PTBP2: variants seen among roughly 807,000 people sequenced by gnomAD.
The protein encoded by PTBP2 is polypyrimidine tract-binding protein 2.
In PTBP2, 13 loss-of-function variants were observed where a neutral mutation model predicts 61.4. The observed-to-expected ratio is 0.21, with a 90% CI of 0.14 to 0.34. The LOEUF is 0.34. Ranked by LOEUF, PTBP2 falls within the 10% of genes least tolerant of loss-of-function variation. The pLI is 1.00. For missense variants in PTBP2, 405 were observed against 642.6 expected, an observed-to-expected ratio of 0.63 and a Z score of 4.00; for synonymous variants, 215 against 218.5, an observed-to-expected ratio of 0.98 and a Z score of 0.14.
At chr1:96,750,567 A>G (rs554123483) in intron 2 of PTBP2, among the ~76,000 whole-genome samples, 9 of 151,932 alleles carry the variant, frequency 5.9e-5, no homozygotes, top group African/African-American at 2.2e-4. Context: ...GATTTTTTGG[A>G]CTTTCTGAAA....
intron 9 of PTBP2, among the ~76,000 whole-genome samples, chr1:96,805,243 C>G (rs1428248230): frequency 6.6e-6 from 1 of 152,104 alleles, no homozygotes; most frequent in Non-Finnish European, 1.5e-5. Context: ...TTCTCAAAGG[C>G]AAATGTGATC....
chr1:96,780,849 G>A (rs1658574460), intron 7 of PTBP2, among the ~76,000 whole-genome samples: 1 of 152,046 alleles, frequency 6.6e-6, no homozygotes, highest in South Asian at 2.1e-4. Context: ...TGTCCGCTGT[G>A]TTAGGAAAGT....
At chr1:96,781,225 TC>T (rs1471954377) in intron 7 of PTBP2, among the ~76,000 whole-genome samples, 1 of 152,158 alleles carries the variant, frequency 6.6e-6, no homozygotes, top group Middle Eastern at 3.4e-3. Flanking sequence ...TATCTCCACT[TC>T]CTTGGCCTTC....
In PTBP2 at chr1:96,746,072, A is replaced by C. The variant is rs1016582749; in HGVS notation, c.40-5353A>C. On this transcript the variant is annotated intron_variant, in intron 2 of 13. Transcript: ENST00000674951. The stretch of plus-strand genomic sequence containing the variant: ...CAGACTGAGACTCCATCTCAAAAAC[A>C]AACAAAAAAAAACAACAACAAAAAA... Among the ~76,000 whole-genome samples, 185 of 67,110 alleles carry C rather than the reference A, an allele frequency of 2.8e-3. 1 individual carries two copies. Among genetic ancestry groups the C allele is most frequent in the Admixed American group, 7.2e-3 (43 of 5,956 alleles). 44.0% of individuals were successfully genotyped at this position (67,110 alleles called of 152,430 possible).
At chr1:96,740,915 T>C (rs1652924918) in intron 2 of PTBP2, among the ~76,000 whole-genome samples, 2 of 152,094 alleles carry the variant, frequency 1.3e-5, no homozygotes, top group South Asian at 4.1e-4. Flanking sequence ...AAACTGCTAC[T>C]GTAAGCATTA....
intron 3 of PTBP2, among the ~76,000 whole-genome samples, chr1:96,752,971 G>T (rs1654748515): frequency 6.6e-6 from 1 of 152,140 alleles, no homozygotes; most frequent in Admixed American, 6.5e-5. Flanking sequence ...AGAGCCCAGA[G>T]TATACAGGTC....
In PTBP2 at chr1:96,792,405, T is replaced by C. The variant is rs569767368; in HGVS notation, c.904+7151T>C. ...CAGTTTGCCCAGATTCCTTTAACTTTTGAGTGGCCGAGCCCTAGCACTGAA... is the reference window on the plus strand; with the variant it reads ...CAGTTTGCCCAGATTCCTTTAACTTCTGAGTGGCCGAGCCCTAGCACTGAA... On this transcript the variant is annotated intron_variant, in intron 8 of 13. Transcript: ENST00000674951. Among the ~76,000 whole-genome samples, 432 of 152,272 alleles carry C rather than the reference T, an allele frequency of 2.8e-3. 1 individual carries two copies. Among genetic ancestry groups the C allele is most frequent in the Non-Finnish European group, 4.2e-3 (285 of 68,016 alleles).
chr1:96,768,619 T>A (rs1461540117), intron 3 of PTBP2, among the ~76,000 whole-genome samples: 1 of 152,020 alleles, frequency 6.6e-6, no homozygotes, highest in African/African-American at 2.4e-5. Flanking sequence ...TATTTAAATA[T>A]TACCTATTTT....
At chr1:96,768,565 T>G (rs1023372037) in intron 3 of PTBP2, among the ~76,000 whole-genome samples, 7 of 152,006 alleles carry the variant, frequency 4.6e-5, no homozygotes, top group Non-Finnish European at 8.8e-5. Flanking sequence ...CTAAGAACCA[T>G]TGATCTGGCA....
chr1:96,823,659 A>G (rs776714154), exon 14 of PTBP2: 4 of 152,134 alleles, frequency 2.6e-5, no homozygotes, highest in Non-Finnish European at 4.4e-5. Flanking sequence ...TTCACCATAC[A>G]TTACTACCTA....
chr1:96,774,170 T>G (rs1657743940), intron 5 of PTBP2, among the ~76,000 whole-genome samples: 1 of 151,634 alleles, frequency 6.6e-6, no homozygotes, highest in Non-Finnish European at 1.5e-5. Flanking sequence ...AGATTTGTTG[T>G]TGTTTTCTTC....
At chr1:96,816,207 G>C (rs1226263415), downstream of PTBP2, 1 of 152,134 alleles carries the variant, frequency 6.6e-6, no homozygotes, top group African/African-American at 2.4e-5. Context: ...CCCTAATACG[G>C]CCTTCCTTCC....
At chr1:96,816,528 T>C (rs1480905810), downstream of PTBP2, 1 of 152,150 alleles carries the variant, frequency 6.6e-6, no homozygotes, top group Non-Finnish European at 1.5e-5. Context: ...GGAAGAGATA[T>C]CTACAGTTTA....
intron 5 of PTBP2, chr1:96,771,536 TGTTA>T (rs1271723963): frequency 6.6e-6 from 1 of 151,978 alleles, no homozygotes; most frequent in Non-Finnish European, 1.5e-5. Flanking sequence ...AAAATCATTT[TGTTA>T]GTTTATGGAA....
chr1:96,770,417 G>A (rs1200917588), intron 4 of PTBP2, among the ~76,000 whole-genome samples: 1 of 151,920 alleles, frequency 6.6e-6, no homozygotes, highest in South Asian at 2.1e-4. Flanking sequence ...AAATTCTGAT[G>A]CTAGAAAATG....
intron 7 of PTBP2, among the ~76,000 whole-genome samples, chr1:96,783,941 TG>T (rs1658955115): frequency 6.6e-6 from 1 of 152,102 alleles, no homozygotes; most frequent in Admixed American, 6.5e-5. Flanking sequence ...GATGAATCTG[TG>T]TTGAATTATT....
chr1:96,729,887 C>T (rs535178523), intron 2 of PTBP2, among the ~76,000 whole-genome samples: 3 of 152,218 alleles, frequency 2.0e-5, no homozygotes, highest in South Asian at 2.1e-4. Flanking sequence ...CAGGCACACA[C>T]CACCACACCT....
chr1:96,760,136 A>G (rs1289675033), intron 3 of PTBP2, among the ~76,000 whole-genome samples: 1 of 152,092 alleles, frequency 6.6e-6, no homozygotes, highest in Non-Finnish European at 1.5e-5. Context: ...CAGCCAAACC[A>G]TATCAATGAC....
chr1:96,721,887 C>A lies in PTBP2; in HGVS notation c.8+15C>A. ...GCAATGGACGGGTATGTAATCGGGCCGGCGAGAAGGTGTGTGTGAGAGAGG... is the reference window on the plus strand; with the variant it reads ...GCAATGGACGGGTATGTAATCGGGCAGGCGAGAAGGTGTGTGTGAGAGAGG... On this transcript the variant is annotated intron_variant, in intron 1 of 13. Coordinates refer to ENST00000674951, the MANE Select transcript of PTBP2 (RefSeq NM_021190.4). 6.4e-7 allele frequency: 1 copy of A among 1,574,382 alleles called. No individual in the cohort carries two copies. The highest frequency in any genetic ancestry group is 1.2e-5 in the South Asian group (1 of 85,654).
Sources: gnomAD v4.1 joint callset for allele counts (sites outside exome capture counted in the v4.1 genomes callset) on GRCh38, gnomAD v4.1.1 for gene constraint, MANE v1.5 for transcripts, NCBI Gene and HGNC (gene_info 2026-07-23, HGNC 2026-07-21) for gene names.